Variants in MAGI2 observed in about 807,000 individuals in gnomAD.
The protein encoded by MAGI2 is membrane associated guanylate kinase, WW and PDZ domain containing 2.
Under a neutral mutation model 133.3 loss-of-function variants are expected in MAGI2, and 35 were observed. That is an observed-to-expected ratio of 0.26 (90% CI 0.20 to 0.35). The LOEUF is 0.35. Among genes scored for constraint, MAGI2 ranks in the 10% least tolerant of loss-of-function variants. MAGI2 has a pLI of 1.00. For missense variants in MAGI2, 1,636 were observed against 1,863.4 expected (o/e 0.88, Z 2.25); for synonymous variants, 729 against 710.6 (o/e 1.03, Z -0.41).
intron 3 of MAGI2, among the ~76,000 whole-genome samples, chr7:78,537,769 C>T (rs188901139): frequency 2.6e-5 from 4 of 152,024 alleles, no homozygotes; most frequent in Non-Finnish European, 4.4e-5. Context: ...GTATAGTTTG[C>T]AAGGATTTTC....
intron 1 of MAGI2, among the ~76,000 whole-genome samples, chr7:79,111,156 C>T (rs1818893914): frequency 6.6e-6 from 1 of 152,008 alleles, no homozygotes; most frequent in Admixed American, 6.6e-5. Context: ...GGAATTGAAC[C>T]AAAAAATAAT....
At chr7:78,928,981 A>T (rs952573312) in intron 2 of MAGI2, among the ~76,000 whole-genome samples, 9 of 152,210 alleles carry the variant, frequency 5.9e-5, no homozygotes, top group African/African-American at 1.7e-4. Flanking sequence ...ATTAAATGCT[A>T]ATAGTTTTGT....
chr7:79,096,800 C>A (rs1476642956), intron 1 of MAGI2, among the ~76,000 whole-genome samples: 2 of 152,140 alleles, frequency 1.3e-5, no homozygotes, highest in Non-Finnish European at 2.9e-5. Flanking sequence ...TCCAGAGTCC[C>A]AAGTTTACTA....
intron 1 of MAGI2, among the ~76,000 whole-genome samples, chr7:79,301,921 C>T (rs947506112): frequency 3.9e-5 from 6 of 152,122 alleles, no homozygotes; most frequent in African/African-American, 1.4e-4. Flanking sequence ...GCACCTCTCC[C>T]CAGCTTTCTC....
chr7:78,922,559 A>G (rs1165555623), intron 2 of MAGI2, among the ~76,000 whole-genome samples: 1 of 151,986 alleles, frequency 6.6e-6, no homozygotes, highest in Non-Finnish European at 1.5e-5. Flanking sequence ...TCCATGGTGT[A>G]TATGTGCCAC....
intron 1 of MAGI2, among the ~76,000 whole-genome samples, chr7:79,423,506 TG>T (rs1215829032): frequency 6.6e-6 from 1 of 152,072 alleles, no homozygotes; most frequent in Non-Finnish European, 1.5e-5. Flanking sequence ...TGTCCTAGAT[TG>T]GGGATATAAA....
chr7:79,155,666 G>T (rs1340325975), intron 1 of MAGI2, among the ~76,000 whole-genome samples: 1 of 152,076 alleles, frequency 6.6e-6, no homozygotes, highest in Non-Finnish European at 1.5e-5. Context: ...TAGACAGAGG[G>T]TATAGCATGT....
intron 10 of MAGI2, among the ~76,000 whole-genome samples, chr7:78,202,390 G>T (rs1002387043): frequency 1.3e-5 from 2 of 152,200 alleles, no homozygotes; most frequent in Non-Finnish European, 2.9e-5. Context: ...TTTATGAAAA[G>T]AATTAAACTG....
intron 4 of MAGI2, among the ~76,000 whole-genome samples, chr7:78,510,397 A>G (rs2150554355): frequency 6.6e-6 from 1 of 152,338 alleles, no homozygotes; most frequent in African/African-American, 2.4e-5. Flanking sequence ...AAACTGCTAG[A>G]ATATAGTAGG....
chr7:79,063,989 T>A (rs1179252669), intron 1 of MAGI2, among the ~76,000 whole-genome samples: 1 of 152,110 alleles, frequency 6.6e-6, no homozygotes, highest in African/African-American at 2.4e-5. Flanking sequence ...CGTGAACGTG[T>A]GCTCAAGTAA....
At chr7:79,344,156 A>G (rs1563135923) in intron 1 of MAGI2, among the ~76,000 whole-genome samples, 1 of 152,100 alleles carries the variant, frequency 6.6e-6, no homozygotes, top group African/African-American at 2.4e-5. Flanking sequence ...TGTAACAACT[A>G]ACTATGGATG....
At position 78,624,518 on chromosome 7, in the gene MAGI2, C is replaced by T. The variant is rs991257264; in HGVS notation, c.538+2602G>A. Among the ~76,000 whole-genome samples, 57 of 152,164 alleles carry T rather than the reference C, an allele frequency of 3.7e-4. 1 individual carries two copies. The highest frequency in any genetic ancestry group is 1.3e-3 in the African/African-American group (55 of 41,494). On this transcript the variant is annotated intron_variant, in intron 3 of 21. Coordinates refer to ENST00000354212, the MANE Select transcript of MAGI2 (RefSeq NM_012301.4). ...GCAGGGACATGGATGGAGTCGGAAG[C>T]CATTGTCCTCAGAAAACTAATGCAG... is the stretch of plus-strand genomic sequence containing the variant.
At chr7:78,647,913 G>A (rs57171748) in intron 2 of MAGI2, among the ~76,000 whole-genome samples, 7,176 of 152,100 alleles carry the variant, frequency 0.047, 252 homozygotes, top group East Asian at 0.16. Flanking sequence ...ACCAAACACC[G>A]CATGTTCTCA....
chr7:79,312,860 T>C (rs1838397539), intron 1 of MAGI2, among the ~76,000 whole-genome samples: 1 of 152,142 alleles, frequency 6.6e-6, no homozygotes, highest in South Asian at 2.1e-4. Context: ...GCAGTAACAA[T>C]AAAGATGCAG....
intron 2 of MAGI2, among the ~76,000 whole-genome samples, chr7:78,807,236 G>T (rs1036844639): frequency 1.3e-5 from 2 of 151,842 alleles, no homozygotes; most frequent in African/African-American, 4.8e-5. Context: ...GCAGATTATA[G>T]CTATTGATAT....
chr7:78,478,014 G>T (rs893535455), intron 6 of MAGI2, among the ~76,000 whole-genome samples: 2 of 151,710 alleles, frequency 1.3e-5, no homozygotes, highest in Admixed American at 6.6e-5. Flanking sequence ...ATGGTGGTTT[G>T]CTGCACCCAT....
At chr7:78,998,023 C>G (rs1047893596) in intron 2 of MAGI2, among the ~76,000 whole-genome samples, 6 of 152,078 alleles carry the variant, frequency 3.9e-5, no homozygotes. Flanking sequence ...TGTTTATTTT[C>G]CCATCCATTT....
chr7:78,542,190 T>G (rs984015381), intron 3 of MAGI2, among the ~76,000 whole-genome samples: 5 of 152,224 alleles, frequency 3.3e-5, no homozygotes, highest in African/African-American at 9.6e-5. Flanking sequence ...GTAAAAGCCA[T>G]TCTTACCTTG....
chr7:78,178,312 C>T (rs1370737037), intron 13 of MAGI2, among the ~76,000 whole-genome samples: 2 of 152,038 alleles, frequency 1.3e-5, no homozygotes, highest in African/African-American at 2.4e-5. Context: ...AGTGACTAGC[C>T]GAGGGCACTA....
Sources: allele counts gnomAD v4.1 joint callset (sites outside exome capture counted in the v4.1 genomes callset), GRCh38; gene constraint gnomAD v4.1.1; transcripts MANE v1.5; gene names NCBI Gene and HGNC (gene_info 2026-07-23, HGNC 2026-07-21).